Variants in ZNF385B observed in about 807,000 individuals in gnomAD.
ZNF385B encodes the protein zinc finger protein 533.
ZNF385B carries 23 observed loss-of-function variants against 39.2 expected under a neutral mutation model. The ratio of observed to expected loss-of-function variants is 0.59; its 90% CI spans 0.42 to 0.83. The LOEUF (loss-of-function observed/expected upper bound fraction) is 0.83. Among genes scored for constraint, ZNF385B ranks in the 40% least tolerant of loss-of-function variants. ZNF385B has a pLI of 0.00. For missense variants in ZNF385B, 552 were observed against 598.9 expected, an observed-to-expected ratio of 0.92 and a Z score of 0.82; for synonymous variants, 205 against 222.6, an observed-to-expected ratio of 0.92 and a Z score of 0.70.
At chr2:179,711,014 C>T (rs1354984417) in intron 3 of ZNF385B, among the ~76,000 whole-genome samples, 1 of 152,174 alleles carries the variant, frequency 6.6e-6, no homozygotes, top group East Asian at 1.9e-4. Context: ...TTAATGTTAC[C>T]CCCACTGTGG....
At chr2:179,836,376 G>A (rs78113457) in intron 1 of ZNF385B, among the ~76,000 whole-genome samples, 6 of 152,088 alleles carry the variant, frequency 3.9e-5, no homozygotes, top group Admixed American at 3.9e-4. Context: ...GTTAAACTCT[G>A]TATTGCTTCT....
rs184124381 is a variant in ZNF385B, at chr2:179,850,594, G to A, written c.-155+10507C>T. ...GTTCAAAGCCTTCTTATTCGGAACC[G>A]GATGAGGAGGCACATGCTTTGTCTG... On this transcript the variant is annotated intron_variant, in intron 1 of 9. Coordinates refer to ENST00000410066, the MANE Select transcript of ZNF385B (RefSeq NM_152520.6). 5.9e-5 allele frequency among the ~76,000 whole-genome samples: 9 copies of A among 152,284 alleles called. No individual in the cohort carries two copies. In the East Asian group the frequency reaches 1.7e-3, roughly 29 times the overall value.
At chr2:179,771,554 G>T (rs1194934389) in intron 1 of ZNF385B, among the ~76,000 whole-genome samples, 1 of 152,122 alleles carries the variant, frequency 6.6e-6, no homozygotes, top group Non-Finnish European at 1.5e-5. Context: ...CAGAAATCAG[G>T]TTTAAGCAGT....
At chr2:179,456,355 C>A (rs1184028978) in intron 6 of ZNF385B, among the ~76,000 whole-genome samples, 2 of 152,140 alleles carry the variant, frequency 1.3e-5, no homozygotes, top group Non-Finnish European at 2.9e-5. Context: ...CTTTATCAGC[C>A]TAATTATCTA....
chr2:179,600,088 G>A (rs1364854870), intron 3 of ZNF385B, among the ~76,000 whole-genome samples: 1 of 152,148 alleles, frequency 6.6e-6, no homozygotes, highest in Non-Finnish European at 1.5e-5. Context: ...TGGTTCATTA[G>A]TAAACCTAAA....
intron 6 of ZNF385B, among the ~76,000 whole-genome samples, chr2:179,460,046 G>T (rs2051149442): frequency 6.6e-6 from 1 of 152,080 alleles, no homozygotes; most frequent in South Asian, 2.1e-4. Context: ...AGAGGTTGCG[G>T]TGAGCCGAGA....
intron 4 of ZNF385B, among the ~76,000 whole-genome samples, chr2:179,527,030 A>C (rs1307218209): frequency 6.6e-6 from 1 of 152,240 alleles, no homozygotes. Flanking sequence ...ACTAACAGAC[A>C]GGTTACATTA....
intron 3 of ZNF385B, among the ~76,000 whole-genome samples, chr2:179,734,626 A>AT (rs1478219003): frequency 2.0e-5 from 3 of 152,202 alleles, no homozygotes; most frequent in African/African-American, 7.2e-5. Flanking sequence ...TCTATGACTT[A>AT]TTATCATATG....
chr2:179,449,209 A>C (rs1226603376), intron 6 of ZNF385B, among the ~76,000 whole-genome samples: 1 of 152,162 alleles, frequency 6.6e-6, no homozygotes, highest in Non-Finnish European at 1.5e-5. Flanking sequence ...AGAAACTGGT[A>C]AGAGGCGTGA....
chr2:179,627,475 G>C (rs1690764705), intron 3 of ZNF385B, among the ~76,000 whole-genome samples: 1 of 152,110 alleles, frequency 6.6e-6, no homozygotes, highest in African/African-American at 2.4e-5. Context: ...AAACTTAGCT[G>C]AACAAGAGGA....
intron 3 of ZNF385B, among the ~76,000 whole-genome samples, chr2:179,642,965 G>C (rs1692398903): frequency 6.6e-6 from 1 of 152,100 alleles, no homozygotes; most frequent in Non-Finnish European, 1.5e-5. Context: ...GCCCTTGAAT[G>C]ACTGTTTCAG....
At chr2:179,834,517 CT>C (rs1238459842) in intron 1 of ZNF385B, among the ~76,000 whole-genome samples, 1 of 152,050 alleles carries the variant, frequency 6.6e-6, no homozygotes, top group East Asian at 1.9e-4. Context: ...TGAGTCCATA[CT>C]GATATTTTAA....
At chr2:179,451,198 T>C (rs113587709) in intron 6 of ZNF385B, among the ~76,000 whole-genome samples, 2 of 149,310 alleles carry the variant, frequency 1.3e-5, no homozygotes, top group African/African-American at 5.0e-5. Context: ...CATGTATACA[T>C]ATGTAACTAA....
At chr2:179,794,412 G>T (rs199503331) in intron 1 of ZNF385B, among the ~76,000 whole-genome samples, 151 of 48,554 alleles carry the variant, frequency 3.1e-3, no homozygotes, top group African/African-American at 0.01. Flanking sequence ...TCTAAAACTA[G>T]AAATTCTATA....
chr2:179,716,983 T>C (rs886096230), intron 3 of ZNF385B, among the ~76,000 whole-genome samples: 2 of 152,218 alleles, frequency 1.3e-5, no homozygotes, highest in Admixed American at 1.3e-4. Flanking sequence ...TGAATTTTTG[T>C]TGAATTTTTC....
At chr2:179,576,876 TC>T (rs1320485020) in intron 3 of ZNF385B, among the ~76,000 whole-genome samples, 2 of 152,144 alleles carry the variant, frequency 1.3e-5, no homozygotes, top group African/African-American at 4.8e-5. Flanking sequence ...GTCCAATTGA[TC>T]ATCTTGTTCC....
chr2:179,521,152 A>ATAAC (rs1159751742), intron 4 of ZNF385B, among the ~76,000 whole-genome samples: 3 of 151,308 alleles, frequency 2.0e-5, no homozygotes, highest in African/African-American at 7.3e-5. Flanking sequence ...AATTTTTTAC[A>ATAAC]TAACTCCTAA....
chr2:179,690,075 T>A (rs1698239693), intron 3 of ZNF385B, among the ~76,000 whole-genome samples: 1 of 152,138 alleles, frequency 6.6e-6, no homozygotes, highest in Non-Finnish European at 1.5e-5. Flanking sequence ...ATTAACTTCA[T>A]TAAACTCTCT....
In ZNF385B at chr2:179,765,684, C is replaced by T. The variant is rs188719453; in HGVS notation, c.298+3819G>A. The stretch of plus-strand genomic sequence containing the variant: ...CCTAAACCCATAAGAAATTATGAGA[C>T]AGCCTCAGGTCCATCTGCCCACCCT... On this transcript the variant is annotated intron_variant, in intron 3 of 9. Coordinates refer to ENST00000410066, the MANE Select transcript of ZNF385B (RefSeq NM_152520.6). Among the ~76,000 whole-genome samples the T allele has an allele frequency of 2.7e-4, 41 of 152,272 alleles. 2 individuals carry two copies. The highest frequency in any genetic ancestry group is 2.1e-3 in the East Asian group (11 of 5,168).
Sources: gnomAD v4.1 joint callset for allele counts (sites outside exome capture counted in the v4.1 genomes callset) on GRCh38, gnomAD v4.1.1 for gene constraint, MANE v1.5 for transcripts, NCBI Gene and HGNC (gene_info 2026-07-23, HGNC 2026-07-21) for gene names.